OTOA: variants seen among roughly 807,000 people sequenced by gnomAD.
OTOA encodes the protein cancer/testis antigen 108.
In OTOA, 70 loss-of-function variants were observed where a neutral mutation model predicts 110.8. The observed-to-expected ratio is 0.63, with a 90% confidence interval of 0.52 to 0.77. OTOA has a LOEUF of 0.77. Among genes scored for constraint, OTOA ranks in the 30% least tolerant of loss-of-function variants. The pLI is 0.00. For synonymous variants in OTOA, 373 were observed against 431.5 expected (o/e 0.86, Z 1.68); for missense variants, 917 against 1,075.8 (o/e 0.85, Z 2.06).
chr16:21,695,889 A>ATTTTTTTTT (rs1213474615), intron 9 of OTOA, among the ~76,000 whole-genome samples: 7 of 63,654 alleles, frequency 1.1e-4, no homozygotes, highest in Non-Finnish European at 1.3e-4. Flanking sequence ...ATATATATAT[A>ATTTTTTTTT]TATTTTTTTT....
At chr16:21,667,865 C>A (rs1657593512) in intron 1 of OTOA, among the ~76,000 whole-genome samples, 2 of 151,978 alleles carry the variant, frequency 1.3e-5, no homozygotes, top group African/African-American at 4.8e-5. Context: ...AAATATTATT[C>A]TTTTGGTTTT....
intron 28 of OTOA, among the ~76,000 whole-genome samples, chr16:21,758,830 C>T (rs1468860945): frequency 4.0e-5 from 6 of 151,540 alleles, no homozygotes; most frequent in South Asian, 4.2e-4. Flanking sequence ...GGCAAAACCC[C>T]GTCTCTACTA....
At chr16:21,714,498 C>CTCTT (rs3054131) in intron 13 of OTOA, among the ~76,000 whole-genome samples, 25 of 120,850 alleles carry the variant, frequency 2.1e-4, no homozygotes, top group African/African-American at 5.4e-4. Context: ...CTCTCTCTCT[C>CTCTT]TCTTTCTTTC....
intron 10 of OTOA, among the ~76,000 whole-genome samples, chr16:21,700,154 G>A (rs1461435397): frequency 6.6e-6 from 1 of 152,002 alleles, no homozygotes; most frequent in African/African-American, 2.4e-5. Flanking sequence ...GAATATATAT[G>A]CACCAAACTT....
In OTOA at chr16:21,731,727, A is replaced by C. The variant is rs369850762; in HGVS notation, c.2301+797A>C. ...CCATGGAGGTGGAGGGCAGGAAAGG[A>C]GTGAATGTTTGCTGAATGACAATCA... On this transcript the variant is annotated intron_variant, in intron 21 of 28. Transcript: ENST00000646100. 4.3e-3 allele frequency among the ~76,000 whole-genome samples: 647 copies of C among 152,176 alleles called. 7 individuals carry two copies. Among genetic ancestry groups the C allele is most frequent in the African/African-American group, 0.015 (629 of 41,530 alleles).
intron 1 of OTOA, among the ~76,000 whole-genome samples, chr16:21,675,081 CTTTCTTTCTTTCT>C (rs2141649603): frequency 9.0e-6 from 1 of 110,598 alleles, no homozygotes; most frequent in Admixed American, 8.3e-5. Flanking sequence ...TTCTTTCTTT[CTTTCTTTCTTTCT>C]TTCTTTCTTT....
intron 6 of OTOA, among the ~76,000 whole-genome samples, chr16:21,682,118 T>C (rs1966902425): frequency 6.6e-6 from 1 of 152,210 alleles, no homozygotes; most frequent in African/African-American, 2.4e-5. Context: ...TCTCGTACAA[T>C]AGTCCAGAGC....
At chr16:21,719,845 G>A (rs1014270913) in intron 17 of OTOA, among the ~76,000 whole-genome samples, 1 of 152,128 alleles carries the variant, frequency 6.6e-6, no homozygotes, top group African/African-American at 2.4e-5. Context: ...AGGAGTAGCT[G>A]TGAATGCAAA....
At chr16:21,666,061 G>T (rs983365753) in intron 1 of OTOA, among the ~76,000 whole-genome samples, 3 of 151,976 alleles carry the variant, frequency 2.0e-5, no homozygotes, top group African/African-American at 4.8e-5. Flanking sequence ...GGACTCAAGT[G>T]ATCCTCCCAC....
chr16:21,688,587 G>A (rs546910553), intron 8 of OTOA, among the ~76,000 whole-genome samples: 1 of 152,278 alleles, frequency 6.6e-6, no homozygotes, highest in African/African-American at 2.4e-5. Context: ...GGTTCTGGAG[G>A]CTGGGAAGTC....
Position 21,752,503 on chromosome 16 carries a change from C to T in OTOA, c.3053C>T (p.Ala1018Val). The T allele has an allele frequency of 2.7e-6, 1 of 365,500 alleles. No individual in the cohort carries two copies. The highest frequency in any genetic ancestry group is 5.4e-6 in the Non-Finnish European group (1 of 185,656). The allele number at this position is 365,500 out of a possible 1,614,324, so 22.6% of individuals were successfully genotyped here. The change falls in exon 26 of 29, where the codon GCA becomes GTA. Residue 1018 changes from alanine to valine, a missense_variant and splice_region_variant. Around this residue, in one of 6 missense-constraint regions of OTOA, gnomAD observed 6 missense variants for 26.1 expected, o/e 0.23. Coordinates refer to ENST00000646100, the MANE Select transcript of OTOA (RefSeq NM_144672.4). ...SSVLQELGTI[A>V]AGLTKAELRM... The stretch of plus-strand genomic sequence containing the variant: ...GTCTTGCAGGAGCTTGGGACCATTG[C>T]AGGTAAGACTCACCCTGAGCATACC...
intron 21 of OTOA, among the ~76,000 whole-genome samples, chr16:21,735,560 C>T (rs1304724489): frequency 2.6e-5 from 4 of 151,764 alleles, no homozygotes; most frequent in Admixed American, 6.6e-5. Flanking sequence ...TTAGAAATAG[C>T]ACCAAACCAA....
intron 12 of OTOA, among the ~76,000 whole-genome samples, chr16:21,706,847 C>CAT (rs1567378756): frequency 8.8e-6 from 1 of 114,226 alleles, no homozygotes; most frequent in African/African-American, 3.1e-5. Context: ...TTATAAGATT[C>CAT]ATTTTTTTTT....
intron 13 of OTOA, among the ~76,000 whole-genome samples, chr16:21,714,332 C>CCTTCCTTCCTTCCTTT (rs1555499743): frequency 4.5e-4 from 57 of 127,738 alleles, no homozygotes; most frequent in African/African-American, 1.4e-3. Context: ...TTCCTTCCTT[C>CCTTCCTTCCTTCCTTT]CTTTCTTTCT....
intron 8 of OTOA, among the ~76,000 whole-genome samples, chr16:21,690,080 G>C (rs1897797555): frequency 6.6e-6 from 1 of 152,174 alleles, no homozygotes; most frequent in South Asian, 2.1e-4. Context: ...AAGAGGTGAG[G>C]AAGTGGAGAC....
intron 21 of OTOA, among the ~76,000 whole-genome samples, chr16:21,732,590 A>T (rs1899151562): frequency 6.6e-6 from 1 of 152,120 alleles, no homozygotes; most frequent in African/African-American, 2.4e-5. Flanking sequence ...CCATATATCT[A>T]TCTAATCTTA....
intron 18 of OTOA, 75 bp from the exon 19 acceptor site, chr16:21,726,448 C>T: frequency 1.3e-6 from 2 of 1,582,318 alleles, no homozygotes; most frequent in Non-Finnish European, 1.7e-6. Context: ...AGCTCTTGGG[C>T]AGGCGGACCC....
At position 21,715,114 on chromosome 16, in the gene OTOA, G is replaced by A. The variant is rs375892589; in HGVS notation, c.1450G>A (p.Asp484Asn). ...AAGTGCCGTCTCCCAGTATGTATCC[G>A]ACTTGTCACCTGCCCAGCAGCAAGG... Reference protein sequence around the residue: ...LRSAVSQYVSDLSPAQQQGIL... With the variant: ...LRSAVSQYVSNLSPAQQQGIL... The change falls in exon 14 of 29, where the codon GAC (aspartate) becomes AAC (asparagine). Residue 484 changes from aspartate (D) to asparagine (N), a missense_variant. Physicochemically the swap from Asp to Asn is conservative, Grantham distance 23. Around this residue, in one of 6 missense-constraint regions of OTOA, gnomAD observed 840 missense variants for 910.2 expected, o/e 0.92. Transcript: ENST00000646100. The A allele has an allele frequency of 8.7e-6, 14 of 1,614,080 alleles. No individual in the cohort carries two copies. Among genetic ancestry groups the A allele is most frequent in the East Asian group, 2.2e-5 (1 of 44,902 alleles).
chr16:21,728,287 T>G lies in OTOA; in HGVS notation c.2063T>G (p.Leu688Arg), dbSNP rs757019916. Residue 688 changes from leucine (L) to arginine (R), a missense_variant, in exon 20 of 29, where the codon CTG becomes CGG. Physicochemically the swap from Leu to Arg is moderately radical, Grantham distance 102. Coordinates refer to ENST00000646100, the MANE Select transcript of OTOA (RefSeq NM_144672.4). ...TACACTGTGGACATCATGGGGAACCTGCTGTGTCACTTGCCGGCAGCCATC... is the reference window on the plus strand; with the variant it reads ...TACACTGTGGACATCATGGGGAACCGGCTGTGTCACTTGCCGGCAGCCATC... ...DEYTVDIMGNLLCHLPAAIID... is the reference protein window; with the variant it reads ...DEYTVDIMGNRLCHLPAAIID... 1 of 1,614,188 alleles carries G rather than the reference T, an allele frequency of 6.2e-7. No homozygotes were observed.
Sources: allele counts gnomAD v4.1 joint callset (sites outside exome capture counted in the v4.1 genomes callset), GRCh38; gene constraint gnomAD v4.1.1; regional missense constraint gnomAD v4.1.1; transcripts MANE v1.5; gene names NCBI Gene and HGNC (gene_info 2026-07-23, HGNC 2026-07-21).